The following KIF1B variants were observed in gnomAD, a reference collection of about 807,000 sequenced individuals.
The protein encoded by KIF1B is kinesin family member 1B.
Under a neutral mutation model 241.9 loss-of-function variants are expected in KIF1B, and 76 were observed. The ratio of observed to expected loss-of-function variants is 0.31; its 90% CI spans 0.26 to 0.38. The LOEUF is 0.38. KIF1B is among the 10% of genes least tolerant of loss of function. The pLI is 1.00. For missense variants in KIF1B, 1,622 were observed against 2,271.4 expected (o/e 0.71, Z 5.81); for synonymous variants, 750 against 796.7 (o/e 0.94, Z 0.99).
intron 22 of KIF1B, among the ~76,000 whole-genome samples, chr1:10,318,884 T>C (rs776729958): frequency 1.5e-4 from 23 of 152,258 alleles, no homozygotes; most frequent in Non-Finnish European, 2.6e-4. Flanking sequence ...TTTTAGACAT[T>C]TGTCCCCTAT....
intron 7 of KIF1B, among the ~76,000 whole-genome samples, chr1:10,269,081 T>A (rs900577994): frequency 6.6e-6 from 1 of 152,338 alleles, no homozygotes; most frequent in South Asian, 2.1e-4. Flanking sequence ...TTTTTAAGCT[T>A]CAAGTTAGGT....
At chr1:10,252,202 G>C (rs906749369) in intron 2 of KIF1B, among the ~76,000 whole-genome samples, 5 of 151,870 alleles carry the variant, frequency 3.3e-5, no homozygotes, top group Non-Finnish European at 5.9e-5. Context: ...ACCATGCCTC[G>C]CTAACTTTTG....
At position 10,252,650 on chromosome 1, in the gene KIF1B, G is replaced by A. The variant is rs527527893; in HGVS notation, c.107-3597G>A. Reference sequence around the variant, plus strand: ...TGGTCTCAAATTCCTGTACTCCAGCGATCCTCCTGCCTGAGCTTCCCAAAG... The same window carrying A: ...TGGTCTCAAATTCCTGTACTCCAGCAATCCTCCTGCCTGAGCTTCCCAAAG... On this transcript the variant is annotated intron_variant, in intron 2 of 48. Transcript: ENST00000676179. Among the ~76,000 whole-genome samples the A allele has an allele frequency of 2.0e-3, 303 of 151,908 alleles. 1 individual carries two copies. Among genetic ancestry groups the A allele is most frequent in the African/African-American group, 7.0e-3 (288 of 41,420 alleles).
rs1253843706 is a variant in KIF1B, at chr1:10,236,831, GT to G, written c.106+4410del. 2.0e-3 allele frequency among the ~76,000 whole-genome samples: 287 copies of G among 141,990 alleles called. 1 individual carries two copies. Among genetic ancestry groups the G allele is most frequent in the Middle Eastern group, 3.6e-3 (1 of 276 alleles). The allele number at this position is 141,990 out of a possible 152,430, so 93.2% of individuals were successfully genotyped here. A position where few individuals can be genotyped will look rare whatever the true frequency, so the allele number is the denominator to read the frequency against. On this transcript the variant is annotated intron_variant, in intron 2 of 48. Transcript: ENST00000676179. ...ATATTTTAGAAAGTATTATTGGCTT[GT>G]TTTTTTTTTTTTAAACACCATTGGG... is the stretch of plus-strand genomic sequence containing the variant.
At chr1:10,299,380 T>A (rs903964270) in intron 22 of KIF1B, among the ~76,000 whole-genome samples, 1 of 152,206 alleles carries the variant, frequency 6.6e-6, no homozygotes, top group Non-Finnish European at 1.5e-5. Flanking sequence ...GTTGCTTTCC[T>A]CTCAAAGGTC....
At chr1:10,349,620 A>AT (rs1403333886) in intron 37 of KIF1B, among the ~76,000 whole-genome samples, 2 of 151,024 alleles carry the variant, frequency 1.3e-5, no homozygotes, top group African/African-American at 4.9e-5. Context: ...GAAAAATTAG[A>AT]GGGTTTTTTT....
At chr1:10,229,700 A>C (rs1266887921) in intron 1 of KIF1B, among the ~76,000 whole-genome samples, 1 of 151,272 alleles carries the variant, frequency 6.6e-6, no homozygotes, top group Non-Finnish European at 1.5e-5. Flanking sequence ...ACTAAAAAAA[A>C]AATACAAAAA....
intron 27 of KIF1B, among the ~76,000 whole-genome samples, chr1:10,332,435 A>T (rs1440180862): frequency 6.7e-6 from 1 of 148,398 alleles, no homozygotes; most frequent in Non-Finnish European, 1.5e-5. Context: ...CTTGCTGCAG[A>T]GCTTCTCTGC....
At chr1:10,274,234 G>A (rs895584009) in intron 10 of KIF1B, among the ~76,000 whole-genome samples, 1 of 152,018 alleles carries the variant, frequency 6.6e-6, no homozygotes, top group Non-Finnish European at 1.5e-5. Context: ...CACTGTGCCC[G>A]GCCTCCCCTT....
In KIF1B at chr1:10,279,137, A is replaced by C. The variant is rs1176834478; in HGVS notation, c.1221A>C (p.Lys407Asn). Residue 407 changes from lysine to asparagine, a missense_variant and splice_region_variant, in exon 14 of 49, where the codon AAA (lysine) becomes AAC (asparagine). Lys to Asn is a moderately conservative substitution (Grantham distance 94, BLOSUM62 0). Coordinates refer to ENST00000676179, the MANE Select transcript of KIF1B (RefSeq NM_001365951.3). Reference sequence around the variant, plus strand: ...ATGATTACTCTGGAAGTGGAAGCAAATGTGTGTATTTCACATATTGGTTAT... The same window carrying C: ...ATGATTACTCTGGAAGTGGAAGCAACTGTGTGTATTTCACATATTGGTTAT... The part of the protein sequence containing the change: ...LIDDYSGSGS[K>N]YLKDFQNNKH... 3 of 1,531,950 alleles carry C rather than the reference A, an allele frequency of 2.0e-6. No individual in the cohort carries two copies. Among genetic ancestry groups the C allele is most frequent in the South Asian group, 2.4e-5 (2 of 83,474 alleles). The allele number at this position is 1,531,950 out of a possible 1,614,324, so 94.9% of individuals were successfully genotyped here.
chr1:10,259,449 G>T (rs1647988597), intron 4 of KIF1B, among the ~76,000 whole-genome samples: 1 of 150,392 alleles, frequency 6.6e-6, no homozygotes, highest in Non-Finnish European at 1.5e-5. Flanking sequence ...AGAGTAGCTG[G>T]GACTAAAGCC....
chr1:10,215,165 TATA>T (rs1557640227), intron 1 of KIF1B, among the ~76,000 whole-genome samples: 33 of 59,066 alleles, frequency 5.6e-4, no homozygotes, highest in African/African-American at 8.0e-4. Flanking sequence ...TATATATATA[TATA>T]TATATTTTTT....
chr1:10,295,859 A>T (rs1414175265), intron 19 of KIF1B, 93 bp downstream of exon 19: 2 of 1,052,686 alleles, frequency 1.9e-6, no homozygotes, highest in Admixed American at 3.9e-5. Flanking sequence ...TATCAGTAGT[A>T]CTTTCTTATA....
At position 10,374,843 on chromosome 1, in the gene KIF1B, G is replaced by T. The variant is rs765592840; in HGVS notation, c.5097-11G>T. On this transcript the variant is annotated splice_polypyrimidine_tract_variant and intron_variant, in intron 46 of 48. Transcript: ENST00000676179. This position sits in a 1 kb window ranked among gnomAD's most constrained non-coding sequence, Gnocchi z 4.3. ...GTGAGAAACTAACTTTTGTCATATT[G>T]TCGTTTTTAGCTCAGTGGTCTCTAA... is the stretch of plus-strand genomic sequence containing the variant. The T allele has an allele frequency of 4.6e-5, 74 of 1,613,332 alleles. No individual in the cohort carries two copies. The highest frequency in any genetic ancestry group is 5.9e-5 in the Non-Finnish European group (70 of 1,179,434).
intron 28 of KIF1B, 98 bp downstream of exon 28, chr1:10,334,736 CTG>C: frequency 2.2e-6 from 2 of 913,802 alleles, no homozygotes; most frequent in Non-Finnish European, 3.6e-6. Flanking sequence ...CACATACAAA[CTG>C]TGGGGAGTTT....
At chr1:10,232,512 A>G (rs1557652964) in intron 2 of KIF1B, 78 bp downstream of exon 2, 1 of 971,948 alleles carries the variant, frequency 1.0e-6, no homozygotes, top group Non-Finnish European at 1.6e-6. Flanking sequence ...TGTGTTCAGA[A>G]TAGATGAACA....
At chr1:10,322,849 CTA>C (rs747534514) in intron 24 of KIF1B, among the ~76,000 whole-genome samples, 1 of 152,140 alleles carries the variant, frequency 6.6e-6, no homozygotes, top group East Asian at 1.9e-4. Flanking sequence ...GTTGGTGAAA[CTA>C]TAACGTGGTA....
intron 26 of KIF1B, among the ~76,000 whole-genome samples, chr1:10,325,352 ATT>A (rs535523799): frequency 6.7e-6 from 1 of 148,316 alleles, no homozygotes. Context: ...CTTCAGCCTC[ATT>A]TTTTTTTTAT....
intron 2 of KIF1B, among the ~76,000 whole-genome samples, chr1:10,243,980 G>C (rs1226863120): frequency 6.6e-6 from 1 of 152,052 alleles, no homozygotes; most frequent in African/African-American, 2.4e-5. Context: ...CAATGTGTAT[G>C]CTAAGTAACA....
Sources: allele counts gnomAD v4.1 joint callset (sites outside exome capture counted in the v4.1 genomes callset), GRCh38; gene constraint gnomAD v4.1.1; non-coding constraint Gnocchi (gnomAD v3.1); transcripts MANE v1.5; gene names NCBI Gene and HGNC (gene_info 2026-07-23, HGNC 2026-07-21).